Variants in PCDHGA7 observed in about 807,000 individuals in gnomAD.
The protein encoded by PCDHGA7 is protocadherin gamma subfamily A, 7.
Under a neutral mutation model 58.3 loss-of-function variants are expected in PCDHGA7, and 44 were observed. The observed-to-expected ratio is 0.75, with a 90% CI of 0.59 to 0.97. PCDHGA7 has a LOEUF of 0.97. PCDHGA7 is among the 50% of genes least tolerant of loss of function. The pLI is 0.00. For synonymous variants in PCDHGA7, 516 were observed against 504.2 expected (o/e 1.02, Z -0.31); for missense variants, 1,266 against 1,188.7 (o/e 1.06, Z -0.96).
At chr5:141,392,760 A>C in intron 1 of PCDHGA7, 1 of 1,475,092 alleles carries the variant, frequency 6.8e-7, no homozygotes, top group Non-Finnish European at 9.0e-7. Context: ...GAAACTAAAT[A>C]AGACCCATTT....
intron 1 of PCDHGA7, chr5:141,400,710 C>A (rs1480952915): frequency 2.9e-6 from 2 of 693,672 alleles, no homozygotes; most frequent in Non-Finnish European, 4.8e-6. Context: ...AAAGAAGTAG[C>A]CTTATAGATT....
Position 141,387,738 on chromosome 5 carries a change from A to G in PCDHGA7, c.2424+2415A>G, listed in dbSNP as rs972177545. On this transcript the variant is annotated intron_variant, in intron 1 of 3. Transcript: ENST00000518325. ...CAGACTCCCCAGCGCCAGCCTTTAC[A>G]CCGCTTCCTCCTCGGAAAAAGAAGA... 7 of 1,322,274 alleles carry G rather than the reference A, an allele frequency of 5.3e-6. No individual in the cohort carries two copies. The Admixed American group carries it at 1.1e-4, about 21-fold the overall frequency. 81.9% of individuals were successfully genotyped at this position (1,322,274 alleles called of 1,614,324 possible).
chr5:141,388,408 G>A (rs2091351933), intron 1 of PCDHGA7: 1 of 1,613,848 alleles, frequency 6.2e-7, no homozygotes, highest in African/African-American at 1.3e-5. Context: ...CTCAGTCCCA[G>A]TGATCATTTC....
Position 141,432,295 on chromosome 5 carries a change from G to A in PCDHGA7, c.2424+46972G>A. 6.2e-7 allele frequency: 1 copy of A among 1,614,222 alleles called. No individual in the cohort carries two copies. The highest frequency in any genetic ancestry group is 8.5e-7 in the Non-Finnish European group (1 of 1,180,034). ...ACGTGTCCATCAACTCCGACACTGG[G>A]GTACTGTATGCGCTGAGCTCCTTCG... is the stretch of plus-strand genomic sequence containing the variant. On this transcript the variant is annotated intron_variant, in intron 1 of 3. Coordinates refer to ENST00000518325, the MANE Select transcript of PCDHGA7 (RefSeq NM_018920.4). This position sits in a 1 kb window ranked among gnomAD's most constrained non-coding sequence, Gnocchi z 6.0.
rs537850909 is a variant in PCDHGA7 at position 141,441,865 on chromosome 5, G to A, written c.2425-52942G>A. ...CTTGGATATGGTGCTGCACGCCGCG[G>A]AGCCTGGCTACCTGGTCACCAAGGT... On this transcript the variant is annotated intron_variant, in intron 1 of 3. Coordinates refer to ENST00000518325, the MANE Select transcript of PCDHGA7 (RefSeq NM_018920.4). The A allele has an allele frequency of 4.0e-4, 138 of 345,718 alleles. 1 individual carries two copies. The Admixed American group carries it at 4.6e-3, about 12-fold the overall frequency. The allele number at this position is 345,718 out of a possible 1,614,324, so 21.4% of individuals were successfully genotyped here. A position where few individuals can be genotyped will look rare whatever the true frequency, so the allele number is the denominator to read the frequency against.
At chr5:141,480,021 C>T (rs1415230863) in intron 1 of PCDHGA7, among the ~76,000 whole-genome samples, 2 of 152,208 alleles carry the variant, frequency 1.3e-5, no homozygotes, top group East Asian at 3.8e-4. Flanking sequence ...AATCTCCTTT[C>T]TAAGCCTCTT....
chr5:141,443,478 C>T (rs2098390426), intron 1 of PCDHGA7, among the ~76,000 whole-genome samples: 1 of 152,052 alleles, frequency 6.6e-6, no homozygotes, highest in East Asian at 1.9e-4. Context: ...AGAATTAGAC[C>T]CTGTCCCAAA....
intron 2 of PCDHGA7, among the ~76,000 whole-genome samples, chr5:141,495,270 G>C (rs1428903664): frequency 1.3e-5 from 2 of 152,178 alleles, no homozygotes; most frequent in Non-Finnish European, 2.9e-5. Context: ...GCATTTGACC[G>C]GAGGAGGCGG....
intron 1 of PCDHGA7, chr5:141,417,652 GCCTGGGATTC>G: frequency 2.4e-6 from 2 of 840,506 alleles, no homozygotes; most frequent in Non-Finnish European, 3.5e-6. Context: ...TCAGCCTCTA[GCCTGGGATTC>G]CCTGCGCAGC....
chr5:141,431,776 C>T lies in PCDHGA7; in HGVS notation c.2424+46453C>T. 6.2e-7 allele frequency: 1 copy of T among 1,614,228 alleles called. No individual in the cohort carries two copies. The stretch of plus-strand genomic sequence containing the variant: ...CCAAAGTCCTGATCACTGTTCTGGA[C>T]GTGAACGACAATGCCCCAGAAGTGG... On this transcript the variant is annotated intron_variant, in intron 1 of 3. Coordinates refer to ENST00000518325, the MANE Select transcript of PCDHGA7 (RefSeq NM_018920.4). The surrounding 1 kb of genome is among the most constrained non-coding windows in gnomAD (Gnocchi z 4.8).
chr5:141,421,149 C>T (rs1030911066), intron 1 of PCDHGA7: 1 of 1,086,106 alleles, frequency 9.2e-7, no homozygotes, highest in Non-Finnish European at 1.3e-6. Context: ...ATGTAGTCGG[C>T]CTAGGACTTC....
intron 1 of PCDHGA7, chr5:141,403,394 C>A: frequency 6.2e-7 from 1 of 1,614,054 alleles, no homozygotes; most frequent in South Asian, 1.1e-5. Flanking sequence ...AATCGCGGTT[C>A]CTGGAGCACG....
At chr5:141,405,499 A>C in intron 1 of PCDHGA7, 9 of 782,122 alleles carry the variant, frequency 1.2e-5, no homozygotes, top group Non-Finnish European at 1.8e-5. Context: ...GGCTCATTGC[A>C]ACCTCCGCCT....
intron 2 of PCDHGA7, among the ~76,000 whole-genome samples, chr5:141,502,866 C>CTTTTTTCTT (rs2099816532): frequency 7.8e-6 from 1 of 128,046 alleles, no homozygotes; most frequent in African/African-American, 3.1e-5. Context: ...GACTCTCTGT[C>CTTTTTTCTT]TTTTTTTTTT....
chr5:141,389,766 C>T (rs1217222336), intron 1 of PCDHGA7: 2 of 1,613,060 alleles, frequency 1.2e-6, no homozygotes, highest in East Asian at 4.5e-5. Context: ...GCGCACAGCG[C>T]GTGCCTTAGG....
chr5:141,477,274 G>A lies in PCDHGA7; in HGVS notation c.2425-17533G>A. The A allele has an allele frequency of 2.5e-6, 4 of 1,614,034 alleles. No homozygotes were observed. Among genetic ancestry groups the A allele is most frequent in the East Asian group, 2.2e-5 (1 of 44,880 alleles). ...ACCTGGATGCTGGCGAGAACGGGCT[G>A]GTGACCTGCGAAGTTCCACCGGGTC... On this transcript the variant is annotated intron_variant, in intron 1 of 3. Coordinates refer to ENST00000518325, the MANE Select transcript of PCDHGA7 (RefSeq NM_018920.4). This position sits in a 1 kb window ranked among gnomAD's most constrained non-coding sequence, Gnocchi z 4.9.
rs763303627 is a variant in PCDHGA7 at position 141,489,719 on chromosome 5, C to T, written c.2425-5088C>T. The T allele has an allele frequency of 1.4e-5, 22 of 1,613,946 alleles. No homozygotes were observed. The highest frequency in any genetic ancestry group is 9.3e-5 in the African/African-American group (7 of 74,924). On this transcript the variant is annotated intron_variant, in intron 1 of 3. Coordinates refer to ENST00000518325, the MANE Select transcript of PCDHGA7 (RefSeq NM_018920.4). The surrounding 1 kb of genome is among the most constrained non-coding windows in gnomAD (Gnocchi z 4.5). ...TTCCCACTGGACAGTGCCCAGGATCCGGATGTGGGCACCAATACTGTGAGC... is the reference window on the plus strand; with the variant it reads ...TTCCCACTGGACAGTGCCCAGGATCTGGATGTGGGCACCAATACTGTGAGC...
intron 1 of PCDHGA7, chr5:141,422,655 C>G (rs188587553): frequency 1.2e-6 from 2 of 1,610,122 alleles, no homozygotes; most frequent in South Asian, 2.2e-5. Context: ...TCTCAGTGAC[C>G]GCCCTCGACC....
intron 1 of PCDHGA7, chr5:141,423,661 G>A: frequency 1.3e-6 from 2 of 1,555,760 alleles, no homozygotes; most frequent in Non-Finnish European, 1.7e-6. Flanking sequence ...AAGTAATCAG[G>A]TGAGATTTAT....
Sources: allele counts gnomAD v4.1 joint callset (sites outside exome capture counted in the v4.1 genomes callset), GRCh38; gene constraint gnomAD v4.1.1; non-coding constraint Gnocchi (gnomAD v3.1); transcripts MANE v1.5; gene names NCBI Gene and HGNC (gene_info 2026-07-23, HGNC 2026-07-21).